FMN1: variants seen among roughly 807,000 people sequenced by gnomAD.
FMN1 encodes the protein formin 1.
In FMN1, 110 loss-of-function variants were observed where a neutral mutation model predicts 132.4. The ratio of observed to expected loss-of-function variants is 0.83; its 90% CI spans 0.71 to 0.97. The LOEUF (loss-of-function observed/expected upper bound fraction) is 0.97. Among genes scored for constraint, FMN1 ranks in the 50% least tolerant of loss-of-function variants. FMN1 has a pLI of 0.00. For synonymous variants in FMN1, 722 were observed against 651.7 expected (o/e 1.11, Z -1.64); for missense variants, 1,792 against 1,705.3 (o/e 1.05, Z -0.90).
At chr15:32,941,820 A>ATT (rs896641893) in intron 9 of FMN1, among the ~76,000 whole-genome samples, 6 of 151,466 alleles carry the variant, frequency 4.0e-5, no homozygotes, top group Non-Finnish European at 7.4e-5. Flanking sequence ...CAAGATCACC[A>ATT]TTTTTTTTTA....
intron 17 of FMN1, among the ~76,000 whole-genome samples, chr15:32,849,112 T>C (rs533728955): frequency 7.8e-4 from 118 of 150,350 alleles, no homozygotes; most frequent in African/African-American, 2.5e-3. Context: ...GCCTGTTGAG[T>C]AGCTGGGACT....
At chr15:33,139,331 G>A (rs12901350) in intron 4 of FMN1, among the ~76,000 whole-genome samples, 66,815 of 151,956 alleles carry the variant, frequency 0.44, 15,909 homozygotes, top group South Asian at 0.55. Context: ...GCACGGTGGC[G>A]CACGCCTGTA....
chr15:32,958,197 G>A (rs1041000306), intron 9 of FMN1, among the ~76,000 whole-genome samples: 8 of 152,114 alleles, frequency 5.3e-5, no homozygotes, highest in African/African-American at 1.7e-4. Flanking sequence ...CACAATGTAG[G>A]AAATACTTTG....
At chr15:32,930,907 T>A (rs1156501047) in intron 9 of FMN1, among the ~76,000 whole-genome samples, 5 of 152,232 alleles carry the variant, frequency 3.3e-5, no homozygotes, top group Non-Finnish European at 7.3e-5. Flanking sequence ...TTCTTTTGTG[T>A]GTGGATAGCC....
At chr15:32,982,276 G>A (rs2032738972) in intron 7 of FMN1, among the ~76,000 whole-genome samples, 1 of 152,300 alleles carries the variant, frequency 6.6e-6, no homozygotes, top group South Asian at 2.1e-4. Context: ...CCAAATGCTA[G>A]TGAGAATGTG....
chr15:33,137,692 A>G (rs1963830905), intron 4 of FMN1, among the ~76,000 whole-genome samples: 1 of 152,184 alleles, frequency 6.6e-6, no homozygotes, highest in Non-Finnish European at 1.5e-5. Flanking sequence ...ACATTTCTTT[A>G]CACTGGGGTA....
At chr15:32,865,421 T>C (rs1476700366) in intron 16 of FMN1, among the ~76,000 whole-genome samples, 1 of 152,266 alleles carries the variant, frequency 6.6e-6, no homozygotes, top group Non-Finnish European at 1.5e-5. Flanking sequence ...ATGTCTTCAT[T>C]ATAATACTTA....
intron 6 of FMN1, among the ~76,000 whole-genome samples, chr15:33,061,667 C>T (rs1456621290): frequency 6.6e-6 from 1 of 151,558 alleles, no homozygotes; most frequent in Non-Finnish European, 1.5e-5. Context: ...GAAATGGAAC[C>T]GCCAGATTCT....
chr15:32,931,338 C>T (rs1489944896), intron 9 of FMN1, among the ~76,000 whole-genome samples: 1 of 152,154 alleles, frequency 6.6e-6, no homozygotes, highest in African/African-American at 2.4e-5. Context: ...GATGTCTTTA[C>T]AGTTATTTGT....
chr15:32,883,242 C>T (rs972456010), intron 16 of FMN1, among the ~76,000 whole-genome samples: 18 of 152,042 alleles, frequency 1.2e-4, no homozygotes, highest in South Asian at 2.1e-4. Context: ...GTGGCTCATG[C>T]CTGTAATCCT....
chr15:32,948,692 A>C (rs758918866), intron 9 of FMN1, among the ~76,000 whole-genome samples: 5 of 152,076 alleles, frequency 3.3e-5, no homozygotes, highest in African/African-American at 9.6e-5. Context: ...TTTCTATTGC[A>C]TCTGTAGTTA....
intron 7 of FMN1, among the ~76,000 whole-genome samples, chr15:33,005,254 T>G (rs144301868): frequency 5.1e-4 from 76 of 149,974 alleles, no homozygotes; most frequent in Middle Eastern, 3.5e-3. Flanking sequence ...CAGATGGCAA[T>G]AGTGAGCCAT....
intron 5 of FMN1, among the ~76,000 whole-genome samples, chr15:33,068,883 T>G (rs2037872915): frequency 1.3e-5 from 2 of 152,200 alleles, no homozygotes; most frequent in Admixed American, 1.3e-4. Context: ...ACACTCCCTG[T>G]GCCAACCGCA....
chr15:32,983,143 T>G (rs775009516), intron 7 of FMN1, among the ~76,000 whole-genome samples: 1 of 152,182 alleles, frequency 6.6e-6, no homozygotes, highest in Middle Eastern at 3.4e-3. Context: ...AAAATAAAAC[T>G]GCGGAAAGTG....
intron 17 of FMN1, among the ~76,000 whole-genome samples, chr15:32,846,045 G>A (rs959074898): frequency 1.3e-5 from 2 of 151,810 alleles, no homozygotes; most frequent in African/African-American, 2.4e-5. Flanking sequence ...TCAAACCTAG[G>A]TCTTCTGACT....
chr15:33,065,162 T>G, intron 5 of FMN1, 88 bp from the exon 6 acceptor site: 1 of 778,508 alleles, frequency 1.3e-6, no homozygotes, highest in Non-Finnish European at 2.1e-6. Context: ...AATTCTGAAG[T>G]TAATTTTAAT....
chr15:32,949,170 T>C (rs953133878), intron 9 of FMN1, among the ~76,000 whole-genome samples: 1 of 152,096 alleles, frequency 6.6e-6, no homozygotes, highest in African/African-American at 2.4e-5. Flanking sequence ...CATGTATTTT[T>C]AAAAATAAGG....
At chr15:32,964,334 T>G in intron 8 of FMN1, 77 bp from the exon 9 acceptor site, 1 of 1,043,652 alleles carries the variant, frequency 9.6e-7, no homozygotes, top group South Asian at 2.2e-5. Flanking sequence ...CTTTCTCTAA[T>G]CCATTTTTTA....
intron 19 of FMN1, among the ~76,000 whole-genome samples, chr15:32,783,395 G>A (rs990865512): frequency 6.6e-6 from 1 of 152,150 alleles, no homozygotes; most frequent in African/African-American, 2.4e-5. Flanking sequence ...ACAAGTGTAA[G>A]ATGGGAAAGT....
Sources: gnomAD v4.1 joint callset for allele counts (sites outside exome capture counted in the v4.1 genomes callset) on GRCh38, gnomAD v4.1.1 for gene constraint, MANE v1.5 for transcripts, NCBI Gene and HGNC (gene_info 2026-07-23, HGNC 2026-07-21) for gene names.